KLHL3: variants seen among roughly 807,000 people sequenced by gnomAD.
The protein encoded by KLHL3 is kelch-like protein 3.
A neutral mutation model predicts 70.5 loss-of-function variants in KLHL3; 19 were observed. The observed-to-expected ratio is 0.27, with a 90% CI of 0.19 to 0.40. The LOEUF is 0.40. KLHL3 is among the 10% of genes least tolerant of loss of function. The pLI is 1.00. For synonymous variants in KLHL3, 258 were observed against 290.3 expected (o/e 0.89, Z 1.13); for missense variants, 512 against 771.1 (o/e 0.66, Z 3.98).
At chr5:137,658,023 C>G (rs1345919120) in intron 8 of KLHL3, 108 bp downstream of exon 8, 1 of 1,127,062 alleles carries the variant, frequency 8.9e-7, no homozygotes, top group East Asian at 2.4e-5. Context: ...GTAAATGCAA[C>G]CAAGATGCAG....
intron 6 of KLHL3, among the ~76,000 whole-genome samples, chr5:137,665,653 C>A (rs1751595630): frequency 6.6e-6 from 1 of 152,090 alleles, no homozygotes; most frequent in South Asian, 2.1e-4. Context: ...AAAACTACAA[C>A]AAAATTTATA....
intron 8 of KLHL3, among the ~76,000 whole-genome samples, chr5:137,657,919 G>A (rs942585965): frequency 6.6e-6 from 1 of 152,192 alleles, no homozygotes; most frequent in African/African-American, 2.4e-5. Context: ...TGATGACATT[G>A]GAGGTTACCT....
chr5:137,618,945 T>C lies in KLHL3; in HGVS notation c.*3153A>G, dbSNP rs1208787280. ...CTGGAGCTACTGAAAAATATGTTTC[T>C]GAAGGGTGAGAAACAAAAGGAAGAG... On this transcript the variant is annotated 3_prime_UTR_variant, in exon 15 of 15. Coordinates refer to ENST00000309755, the MANE Select transcript of KLHL3 (RefSeq NM_017415.3). 2.7e-5 allele frequency: 4 copies of C among 149,170 alleles called. No homozygotes were observed. Among genetic ancestry groups the C allele is most frequent in the Non-Finnish European group, 4.4e-5 (3 of 67,604 alleles). The allele number at this position is 149,170 out of a possible 1,614,324, so 9.2% of individuals were successfully genotyped here. A position where few individuals can be genotyped will look rare whatever the true frequency, so the allele number is the denominator to read the frequency against.
At chr5:137,631,069 CAAAAAAA>C (rs70979549) in intron 12 of KLHL3, among the ~76,000 whole-genome samples, 74 of 105,788 alleles carry the variant, frequency 7.0e-4, no homozygotes, top group Non-Finnish European at 1.5e-4. Flanking sequence ...TCCAAAAATA[CAAAAAAA>C]AAAAAAAAAA....
At chr5:137,713,981 C>T (rs915009680) in intron 2 of KLHL3, among the ~76,000 whole-genome samples, 2 of 151,450 alleles carry the variant, frequency 1.3e-5, no homozygotes, top group African/African-American at 4.9e-5. Flanking sequence ...CCCATTAACT[C>T]GTCATTTAGC....
chr5:137,717,260 A>G (rs575612542), intron 2 of KLHL3, among the ~76,000 whole-genome samples: 4 of 152,246 alleles, frequency 2.6e-5, no homozygotes, highest in South Asian at 2.1e-4. Flanking sequence ...TTTAAGCAAC[A>G]TAGACAAAAA....
chr5:137,710,145 A>G (rs1752765029), intron 2 of KLHL3, among the ~76,000 whole-genome samples: 2 of 152,066 alleles, frequency 1.3e-5, no homozygotes, highest in South Asian at 4.1e-4. Flanking sequence ...CCCCAATTCT[A>G]TCAGTTCAGA....
At position 137,639,821 on chromosome 5, in the gene KLHL3, C is replaced by A. The variant is rs1750866565; in HGVS notation, c.1021+39G>T. On this transcript the variant is annotated intron_variant, in intron 9 of 14. Transcript: ENST00000309755. The surrounding 1 kb of genome is among the most constrained non-coding windows in gnomAD (Gnocchi z 5.0). ...ACTTCTGGCACGGAGTGGGGACCAG[C>A]AGGGGAAAAACAGCTTGCAGAACTG... 6.7e-7 allele frequency: 1 copy of A among 1,497,968 alleles called. No homozygotes were observed. Among genetic ancestry groups the A allele is most frequent in the Non-Finnish European group, 9.3e-7 (1 of 1,074,530 alleles). The allele number at this position is 1,497,968 out of a possible 1,614,324, so 92.8% of individuals were successfully genotyped here.
At chr5:137,655,024 ACTAGGTATGGTTT>A (rs1331442945) in intron 8 of KLHL3, among the ~76,000 whole-genome samples, 1 of 152,194 alleles carries the variant, frequency 6.6e-6, no homozygotes, top group Non-Finnish European at 1.5e-5. Context: ...AGGAGAGGTC[ACTAGGTATGGTTT>A]CTACACAAAA....
chr5:137,670,487 A>G (rs989586581), intron 6 of KLHL3, among the ~76,000 whole-genome samples: 2 of 151,458 alleles, frequency 1.3e-5, no homozygotes, highest in South Asian at 4.2e-4. Flanking sequence ...TCTGTAGTAA[A>G]GGGGCTCAGG....
intron 4 of KLHL3, among the ~76,000 whole-genome samples, chr5:137,697,557 C>G (rs910897663): frequency 1.2e-4 from 18 of 152,200 alleles, no homozygotes; most frequent in African/African-American, 4.3e-4. Flanking sequence ...CAATGAGGTT[C>G]AGAGAATTTT....
Position 137,705,992 on chromosome 5 carries a change from C to T in KLHL3, c.241+3758G>A, listed in dbSNP as rs116183273. ...AAGGGCAAATAGGTTGACTGCTCAC[C>T]CCAGATCTTCTTATAGACTGGTTGG... On this transcript the variant is annotated intron_variant, in intron 3 of 14. Transcript: ENST00000309755. 19,468 of 985,060 alleles carry T rather than the reference C, an allele frequency of 0.02. 223 individuals carry two copies. The highest frequency in any genetic ancestry group is 0.022 in the Non-Finnish European group (18,309 of 829,638). The allele number at this position is 985,060 out of a possible 1,614,324, so 61.0% of individuals were successfully genotyped here.
intron 1 of KLHL3, among the ~76,000 whole-genome samples, chr5:137,731,398 A>C (rs1753171133): frequency 6.6e-6 from 1 of 152,226 alleles, no homozygotes; most frequent in Non-Finnish European, 1.5e-5. Context: ...CGCTGGGAAC[A>C]GAAAAAAGGC....
chr5:137,646,924 C>T (rs1402283036), intron 8 of KLHL3, among the ~76,000 whole-genome samples: 1 of 152,144 alleles, frequency 6.6e-6, no homozygotes, highest in Admixed American at 6.5e-5. Context: ...TAATCACTCT[C>T]GTGAACTGCA....
At chr5:137,680,773 AC>A (rs1752005143) in intron 5 of KLHL3, among the ~76,000 whole-genome samples, 1 of 151,686 alleles carries the variant, frequency 6.6e-6, no homozygotes, top group Non-Finnish European at 1.5e-5. Context: ...CGAACTCCTG[AC>A]CTCAGATGAT....
At chr5:137,666,511 A>T (rs1751618954) in intron 6 of KLHL3, among the ~76,000 whole-genome samples, 2 of 152,246 alleles carry the variant, frequency 1.3e-5, no homozygotes, top group African/African-American at 4.8e-5. Context: ...ACAAGTCCTT[A>T]AGCGGGTAGC....
At chr5:137,662,785 A>C (rs1751514283) in intron 6 of KLHL3, among the ~76,000 whole-genome samples, 1 of 152,214 alleles carries the variant, frequency 6.6e-6, no homozygotes, top group African/African-American at 2.4e-5. Context: ...TTCATTAATA[A>C]TGATTTTTAA....
intron 1 of KLHL3, 89 bp downstream of exon 1, chr5:137,735,544 C>T (rs1176146729): frequency 3.0e-6 from 3 of 1,016,334 alleles, no homozygotes; most frequent in East Asian, 4.8e-5. Flanking sequence ...TCTGCCTAGC[C>T]AATGCAAACA....
At chr5:137,635,639 G>A (rs1045525529) in intron 11 of KLHL3, among the ~76,000 whole-genome samples, 1 of 152,140 alleles carries the variant, frequency 6.6e-6, no homozygotes, top group Admixed American at 6.5e-5. Context: ...CAAGGCCACA[G>A]TGAAGAAGAC....
Sources: gnomAD v4.1 joint callset for allele counts (sites outside exome capture counted in the v4.1 genomes callset) on GRCh38, gnomAD v4.1.1 for gene constraint, Gnocchi (gnomAD v3.1) non-coding constraint, MANE v1.5 for transcripts, NCBI Gene and HGNC (gene_info 2026-07-23, HGNC 2026-07-21) for gene names.